The following RNF180 variants were observed in gnomAD, a reference collection of about 807,000 sequenced individuals.
RNF180 encodes E3 ubiquitin-protein ligase RNF180.
In RNF180, 38 loss-of-function variants were observed where a neutral mutation model predicts 59.2. The observed-to-expected ratio is 0.64, with a 90% CI of 0.50 to 0.84. The LOEUF (loss-of-function observed/expected upper bound fraction) is 0.84. Ranked by LOEUF, RNF180 falls within the 40% of genes least tolerant of loss-of-function variation. The probability of loss-of-function intolerance (pLI) is 0.00; values close to 1 mark genes in which losing one functional copy is unlikely to be tolerated. For missense variants in RNF180, 705 were observed against 700.9 expected (o/e 1.01, Z -0.07); for synonymous variants, 262 against 240.3 (o/e 1.09, Z -0.84).
At chr5:64,219,598 C>G (rs1191570013) in intron 5 of RNF180, among the ~76,000 whole-genome samples, 1 of 151,934 alleles carries the variant, frequency 6.6e-6, no homozygotes, top group Non-Finnish European at 1.5e-5. Context: ...CACTGCAACC[C>G]CTGCCTCCCA....
In RNF180 at chr5:64,193,632, T is replaced by A. The variant is rs975453675; in HGVS notation, c.1-7176T>A. Among the ~76,000 whole-genome samples, 4 of 152,344 alleles carry A rather than the reference T, an allele frequency of 2.6e-5. No individual in the cohort carries two copies. The East Asian group carries it at 7.7e-4, about 29-fold the overall frequency. On this transcript the variant is annotated intron_variant, in intron 1 of 7. Transcript: ENST00000389100. ...TAGCATTTAACCAGTTCTTTGGTAG[T>A]GACAAGGGCTGGTACTGTTTATCCA...
chr5:64,166,881 C>T (rs1416723582), intron 1 of RNF180, among the ~76,000 whole-genome samples: 1 of 152,160 alleles, frequency 6.6e-6, no homozygotes, highest in Admixed American at 6.5e-5. Context: ...ATTTAGCTCT[C>T]AAAGATGGAC....
chr5:64,203,324 G>C (rs534347186), intron 2 of RNF180, among the ~76,000 whole-genome samples: 2 of 152,274 alleles, frequency 1.3e-5, no homozygotes, highest in South Asian at 4.1e-4. Context: ...ATATATGTTT[G>C]TGTCTTACAG....
At chr5:64,264,265 C>G (rs773087657) in intron 5 of RNF180, among the ~76,000 whole-genome samples, 2 of 152,028 alleles carry the variant, frequency 1.3e-5, no homozygotes, top group Non-Finnish European at 2.9e-5. Context: ...GCAGAATGTG[C>G]AAGTTTGTTA....
intron 5 of RNF180, among the ~76,000 whole-genome samples, chr5:64,251,360 A>G (rs558206742): frequency 5.9e-5 from 9 of 152,332 alleles, no homozygotes; most frequent in Non-Finnish European, 1.3e-4. Context: ...TAGGCAAGAA[A>G]AAGAAATGAA....
intron 5 of RNF180, among the ~76,000 whole-genome samples, chr5:64,243,424 C>T (rs1173122104): frequency 1.3e-5 from 2 of 152,170 alleles, no homozygotes; most frequent in African/African-American, 4.8e-5. Context: ...ATAACTGAGG[C>T]TTGAGTAGGC....
intron 5 of RNF180, among the ~76,000 whole-genome samples, chr5:64,265,811 G>T (rs1002646439): frequency 6.6e-6 from 1 of 152,090 alleles, no homozygotes; most frequent in Non-Finnish European, 1.5e-5. Flanking sequence ...ATTACTTTGG[G>T]CAGTATGGCC....
At chr5:64,357,543 A>G (rs965855509) in intron 7 of RNF180, among the ~76,000 whole-genome samples, 1 of 151,860 alleles carries the variant, frequency 6.6e-6, no homozygotes, top group Non-Finnish European at 1.5e-5. Context: ...ATATATTTGA[A>G]AGGCTTGATT....
intron 1 of RNF180, among the ~76,000 whole-genome samples, chr5:64,175,019 G>A (rs1750155321): frequency 7.1e-6 from 1 of 141,686 alleles, no homozygotes; most frequent in Non-Finnish European, 1.5e-5. Context: ...CCAGGCTGGA[G>A]TGCAGTGGTG....
At chr5:64,323,464 C>A (rs992543096) in intron 5 of RNF180, among the ~76,000 whole-genome samples, 1 of 152,024 alleles carries the variant, frequency 6.6e-6, no homozygotes, top group African/African-American at 2.4e-5. Flanking sequence ...TCACTTGAAC[C>A]CAGGAAGCAG....
At chr5:64,284,428 A>G (rs1362558876) in intron 5 of RNF180, among the ~76,000 whole-genome samples, 1 of 152,180 alleles carries the variant, frequency 6.6e-6, no homozygotes, top group African/African-American at 2.4e-5. Flanking sequence ...ATTTTCTTGG[A>G]TGATATGCTC....
intron 1 of RNF180, among the ~76,000 whole-genome samples, chr5:64,175,036 C>CCGA (rs1750156938): frequency 7.3e-6 from 1 of 136,924 alleles, no homozygotes; most frequent in South Asian, 2.3e-4. Flanking sequence ...GGTGCAATCT[C>CCGA]GGCTCACTGC....
intron 7 of RNF180, among the ~76,000 whole-genome samples, chr5:64,339,407 AT>A (rs58971611): frequency 0.045 from 6,840 of 152,048 alleles, 506 homozygotes; most frequent in African/African-American, 0.15. Flanking sequence ...ATTTCTAATT[AT>A]TTTTTATAAT....
At chr5:64,245,767 C>T (rs879560533) in intron 5 of RNF180, among the ~76,000 whole-genome samples, 1 of 152,154 alleles carries the variant, frequency 6.6e-6, no homozygotes, top group Non-Finnish European at 1.5e-5. Context: ...CCAAGTGGAT[C>T]TAATAGACAT....
At chr5:64,196,101 G>A (rs556603661) in intron 1 of RNF180, among the ~76,000 whole-genome samples, 1 of 151,754 alleles carries the variant, frequency 6.6e-6, no homozygotes, top group South Asian at 2.1e-4. Context: ...ATAAAACAAT[G>A]TTATTCAAGG....
intron 5 of RNF180, among the ~76,000 whole-genome samples, chr5:64,257,116 G>T (rs1744016928): frequency 6.6e-6 from 1 of 152,120 alleles, no homozygotes; most frequent in African/African-American, 2.4e-5. Context: ...AGATGATGGG[G>T]TTTTTTAGAT....
At chr5:64,192,007 T>G (rs1266547433) in intron 1 of RNF180, among the ~76,000 whole-genome samples, 1 of 152,270 alleles carries the variant, frequency 6.6e-6, no homozygotes, top group Non-Finnish European at 1.5e-5. Flanking sequence ...TTTTTTTGCA[T>G]GTGGGTGTCC....
chr5:64,220,723 A>G (rs1443820626), intron 5 of RNF180, among the ~76,000 whole-genome samples: 4 of 152,114 alleles, frequency 2.6e-5, no homozygotes, highest in African/African-American at 7.2e-5. Flanking sequence ...TAATATAAAT[A>G]AAAGAAAATG....
intron 4 of RNF180, 120 bp downstream of exon 4, chr5:64,214,637 T>C: frequency 1.2e-6 from 1 of 821,024 alleles, no homozygotes; most frequent in Admixed American, 2.8e-5. Flanking sequence ...CTGGAAATGC[T>C]ATTTCTCTCT....
Sources: gnomAD v4.1 joint callset for allele counts (sites outside exome capture counted in the v4.1 genomes callset) on GRCh38, gnomAD v4.1.1 for gene constraint, MANE v1.5 for transcripts, NCBI Gene and HGNC (gene_info 2026-07-23, HGNC 2026-07-21) for gene names.